EPB41L4A: variants seen among roughly 807,000 people sequenced by gnomAD.
EPB41L4A encodes the protein band 4.1-like protein 4A.
EPB41L4A carries 100 observed loss-of-function variants against 108.6 expected under a neutral mutation model. The observed-to-expected ratio is 0.92, with a 90% CI of 0.78 to 1.09. The LOEUF (loss-of-function observed/expected upper bound fraction) is 1.09. EPB41L4A is among the 50% of genes least tolerant of loss of function. The pLI is 0.00. For missense variants in EPB41L4A, 1,030 were observed against 842.7 expected (o/e 1.22, Z -2.75); for synonymous variants, 319 against 289.0 (o/e 1.10, Z -1.05).
At chr5:112,159,059 G>T (rs1580335800), downstream of EPB41L4A, among the ~76,000 whole-genome samples, 1 of 152,120 alleles carries the variant, frequency 6.6e-6, no homozygotes, top group Non-Finnish European at 1.5e-5. Flanking sequence ...TTACCTTCTT[G>T]TAATAATTAT....
intron 8 of EPB41L4A, 38 bp from the exon 9 acceptor site, chr5:112,259,330 A>C (rs749034010): frequency 5.8e-6 from 9 of 1,561,980 alleles, no homozygotes; most frequent in Non-Finnish European, 7.9e-6. Flanking sequence ...GCTGTTTTTA[A>C]GTATTAACCT....
chr5:112,271,537 A>G (rs1752262160), intron 4 of EPB41L4A, among the ~76,000 whole-genome samples: 1 of 152,208 alleles, frequency 6.6e-6, no homozygotes, highest in African/African-American at 2.4e-5. Flanking sequence ...AGAACTAGTG[A>G]ATGACAAAGC....
At chr5:112,318,965 G>C (rs745961096) in intron 1 of EPB41L4A, among the ~76,000 whole-genome samples, 2 of 152,150 alleles carry the variant, frequency 1.3e-5, no homozygotes, top group African/African-American at 4.8e-5. Flanking sequence ...GGGTTACCAT[G>C]AAGCACGTCC....
chr5:112,395,954 A>C (rs927997941), intron 1 of EPB41L4A, among the ~76,000 whole-genome samples: 7 of 152,238 alleles, frequency 4.6e-5, no homozygotes, highest in Admixed American at 3.3e-4. Flanking sequence ...TTGTAGGGAC[A>C]TAAATGAAGC....
At chr5:112,419,533 TC>T, upstream of EPB41L4A, 1 of 418,920 alleles carries the variant, frequency 2.4e-6, no homozygotes, top group Non-Finnish European at 4.8e-6. Context: ...GCCTGCGGAG[TC>T]CCCCGCGGGC....
At chr5:112,293,316 A>T (rs1356147445) in intron 2 of EPB41L4A, among the ~76,000 whole-genome samples, 1 of 151,256 alleles carries the variant, frequency 6.6e-6, no homozygotes, top group Non-Finnish European at 1.5e-5. Context: ...TTTGTGACCC[A>T]GGCATTAAGC....
chr5:112,165,114 C>A lies in EPB41L4A; in HGVS notation c.1937G>T (p.Arg646Ile). The change falls in exon 23 of 23, where the codon AGA (arginine) becomes ATA (isoleucine). Residue 646 changes from arginine to isoleucine, a missense_variant. By Grantham distance (97) the Arg-to-Ile change is moderately conservative. Transcript: ENST00000261486. ...GSGDATVHQRRNGSKDSLMEE... is the reference protein window; with the variant it reads ...GSGDATVHQRINGSKDSLMEE... ...CATCAGGCTATCTTTAGACCCATTT[C>A]TTCTCTAAAATATATTTGAAAAATG... 6.8e-7 allele frequency: 1 copy of A among 1,469,178 alleles called. No individual in the cohort carries two copies. The highest frequency in any genetic ancestry group is 9.0e-7 in the Non-Finnish European group (1 of 1,114,578). 91.0% of individuals were successfully genotyped at this position (1,469,178 alleles called of 1,614,324 possible).
intron 1 of EPB41L4A, among the ~76,000 whole-genome samples, chr5:112,354,425 A>G (rs1326173322): frequency 6.6e-6 from 1 of 152,190 alleles, no homozygotes; most frequent in Non-Finnish European, 1.5e-5. Flanking sequence ...AGATAGTGAT[A>G]AGACAAGAAA....
At chr5:112,317,732 G>C (rs998502998) in intron 1 of EPB41L4A, among the ~76,000 whole-genome samples, 4 of 152,138 alleles carry the variant, frequency 2.6e-5, no homozygotes, top group African/African-American at 9.7e-5. Context: ...GTAAAAACAA[G>C]GTCATTCTTC....
At chr5:112,228,045 G>C (rs1748595835) in intron 12 of EPB41L4A, among the ~76,000 whole-genome samples, 1 of 152,150 alleles carries the variant, frequency 6.6e-6, no homozygotes, top group Admixed American at 6.5e-5. Context: ...TGATTGCTGA[G>C]GATGCTGCAG....
intron 1 of EPB41L4A, among the ~76,000 whole-genome samples, chr5:112,333,996 G>A (rs942580182): frequency 6.6e-6 from 1 of 152,178 alleles, no homozygotes; most frequent in African/African-American, 2.4e-5. Context: ...AGGGGACCCA[G>A]TGAAACCTGA....
At chr5:112,278,379 A>T (rs985053186) in intron 3 of EPB41L4A, among the ~76,000 whole-genome samples, 13 of 151,564 alleles carry the variant, frequency 8.6e-5, no homozygotes, top group Admixed American at 2.6e-4. Context: ...AGCCTCCCGA[A>T]TAGCTGGGAT....
intron 1 of EPB41L4A, among the ~76,000 whole-genome samples, chr5:112,375,331 A>G (rs547884430): frequency 3.6e-5 from 5 of 137,428 alleles, no homozygotes; most frequent in Non-Finnish European, 1.5e-5. Flanking sequence ...TCGCACACAC[A>G]CACATACACA....
chr5:112,314,205 T>C (rs1019170509), intron 1 of EPB41L4A, among the ~76,000 whole-genome samples: 2 of 151,790 alleles, frequency 1.3e-5, no homozygotes, highest in African/African-American at 2.4e-5. Context: ...TTTGAACAGG[T>C]AGACCAAACT....
intron 17 of EPB41L4A, among the ~76,000 whole-genome samples, chr5:112,186,013 C>T (rs1020401485): frequency 6.6e-6 from 1 of 152,054 alleles, no homozygotes; most frequent in African/African-American, 2.4e-5. Flanking sequence ...GAAGGTGCTG[C>T]GCTGGCAAGG....
At chr5:112,400,687 T>C (rs1250091151) in intron 1 of EPB41L4A, among the ~76,000 whole-genome samples, 3 of 152,140 alleles carry the variant, frequency 2.0e-5, no homozygotes, top group Admixed American at 6.5e-5. Flanking sequence ...ACCTCCAGTG[T>C]TGGGGAGTAC....
chr5:112,173,470 G>C (rs949657065), intron 18 of EPB41L4A: 9 of 151,602 alleles, frequency 5.9e-5, no homozygotes, highest in Admixed American at 5.3e-4. Context: ...TTATTTTCTT[G>C]TTTATGCTTT....
chr5:112,368,454 A>G (rs1759275086), intron 1 of EPB41L4A, among the ~76,000 whole-genome samples: 1 of 152,094 alleles, frequency 6.6e-6, no homozygotes, highest in South Asian at 2.1e-4. Context: ...TTAGTCACTC[A>G]AATCCTTTTA....
chr5:112,187,409 A>G (rs1761482950), intron 17 of EPB41L4A, among the ~76,000 whole-genome samples: 1 of 152,230 alleles, frequency 6.6e-6, no homozygotes, highest in African/African-American at 2.4e-5. Flanking sequence ...TTTAGAATAC[A>G]GCAAATTCTA....
Sources: gnomAD v4.1 joint callset for allele counts (sites outside exome capture counted in the v4.1 genomes callset) on GRCh38, gnomAD v4.1.1 for gene constraint, MANE v1.5 for transcripts, NCBI Gene and HGNC (gene_info 2026-07-23, HGNC 2026-07-21) for gene names.